ZBTB43: variants seen among roughly 807,000 people sequenced by gnomAD.
The protein encoded by ZBTB43 is zinc finger and BTB domain containing 43.
Under a neutral mutation model 31.1 loss-of-function variants are expected in ZBTB43, and 6 were observed. The ratio of observed to expected loss-of-function variants is 0.19; its 90% CI spans 0.11 to 0.38. ZBTB43 has a LOEUF of 0.38. Ranked by LOEUF, ZBTB43 falls within the 10% of genes least tolerant of loss-of-function variation. ZBTB43 has a pLI of 1.00. For missense variants in ZBTB43, 379 were observed against 602.1 expected (o/e 0.63, Z 3.88); for synonymous variants, 212 against 221.7 (o/e 0.96, Z 0.39).
intron 1 of ZBTB43, among the ~76,000 whole-genome samples, chr9:126,805,841 CTT>C (rs1457041020): frequency 1.3e-5 from 2 of 148,622 alleles, no homozygotes; most frequent in Non-Finnish European, 2.9e-5. Flanking sequence ...GTTTTTGCCT[CTT>C]GTCTCTCTTT....
At chr9:126,805,944 T>A (rs1463516724) in intron 1 of ZBTB43, among the ~76,000 whole-genome samples, 1 of 152,340 alleles carries the variant, frequency 6.6e-6, no homozygotes, top group Middle Eastern at 3.4e-3. Flanking sequence ...GGTGACACTC[T>A]CAGTGACTCG....
intron 2 of ZBTB43, among the ~76,000 whole-genome samples, chr9:126,828,629 AAATAATAATAATAAT>A (rs369536989): frequency 7.1e-6 from 1 of 141,090 alleles, no homozygotes; most frequent in African/African-American, 2.6e-5. Context: ...CCCCATCTCT[AAATAATAATAATAAT>A]AATAATAATA....
chr9:126,834,840 AAG>A lies in ZBTB43; in HGVS notation c.*932_*933del, dbSNP rs1289536342. 9 of 167,092 alleles carry A rather than the reference AAG, an allele frequency of 5.4e-5. No individual in the cohort carries two copies. Among genetic ancestry groups the A allele is most frequent in the African/African-American group, 7.2e-5 (3 of 41,448 alleles). The allele number at this position is 167,092 out of a possible 1,614,324, so 10.4% of individuals were successfully genotyped here. A position where few individuals can be genotyped will look rare whatever the true frequency, so the allele number is the denominator to read the frequency against. The stretch of plus-strand genomic sequence containing the variant: ...CTGTCTTAGATTATGGTGCTTTACA[AAG>A]AGAGTGGTCCATGACCACACTTAGT... On this transcript the variant is annotated 3_prime_UTR_variant, in exon 3 of 3. Transcript: ENST00000373464.
rs920599812 is a variant in ZBTB43, at chr9:126,836,701, C to T, written c.*2788C>T. On this transcript the variant is annotated 3_prime_UTR_variant, in exon 3 of 3. Coordinates refer to ENST00000373464, the MANE Select transcript of ZBTB43 (RefSeq NM_014007.4). The stretch of plus-strand genomic sequence containing the variant: ...TGTTCAAACAATCTTTCAGGGATCA[C>T]GTCAATGGCCTACAACCAAGCTATT... 1.2e-5 allele frequency: 2 copies of T among 167,016 alleles called. No individual in the cohort carries two copies. The highest frequency in any genetic ancestry group is 4.8e-5 in the African/African-American group (2 of 41,420). The allele number at this position is 167,016 out of a possible 1,614,324, so 10.3% of individuals were successfully genotyped here.
intron 2 of ZBTB43, among the ~76,000 whole-genome samples, chr9:126,822,735 A>G (rs1489560451): frequency 1.3e-5 from 2 of 152,134 alleles, no homozygotes; most frequent in Non-Finnish European, 1.5e-5. Context: ...GCGAGACCCT[A>G]TCTTGGGAAA....
intron 2 of ZBTB43, among the ~76,000 whole-genome samples, chr9:126,821,788 CGGCTTTTCTAACCTGTGGCCCAGGAT>C (rs1437077982): frequency 6.6e-6 from 1 of 152,160 alleles, no homozygotes; most frequent in African/African-American, 2.4e-5. Flanking sequence ...GCCCCCAGGA[CGGCTTTTCTAACCTGTGGCCCAGGAT>C]GGCTCTGAAT....
intron 2 of ZBTB43, among the ~76,000 whole-genome samples, chr9:126,825,983 A>T (rs1014185066): frequency 1.3e-5 from 2 of 148,636 alleles, no homozygotes; most frequent in African/African-American, 5.0e-5. Flanking sequence ...GGTAGCTGGG[A>T]CTACAGGCTC....
At chr9:126,828,654 A>AATAATTATT (rs1554742744) in intron 2 of ZBTB43, among the ~76,000 whole-genome samples, 2 of 127,742 alleles carry the variant, frequency 1.6e-5, no homozygotes, top group African/African-American at 3.1e-5. Flanking sequence ...TAATAATAAT[A>AATAATTATT]ATTATTATTA....
chr9:126,820,064 A>G (rs2032477570), intron 2 of ZBTB43, among the ~76,000 whole-genome samples: 3 of 152,366 alleles, frequency 2.0e-5, no homozygotes, highest in African/African-American at 7.2e-5. Context: ...GTGAGGTTGA[A>G]GGAAAGAAGT....
chr9:126,823,701 T>C (rs1012910205), intron 2 of ZBTB43, among the ~76,000 whole-genome samples: 3 of 152,356 alleles, frequency 2.0e-5, no homozygotes, highest in South Asian at 2.1e-4. Flanking sequence ...TTTTTATTAT[T>C]TAGGGGTTTT....
chr9:126,822,952 A>G (rs1189868525), intron 2 of ZBTB43, among the ~76,000 whole-genome samples: 3 of 151,802 alleles, frequency 2.0e-5, no homozygotes, highest in Non-Finnish European at 2.9e-5. Flanking sequence ...ACATAATGCT[A>G]TTGCACACTT....
chr9:126,809,760 A>G (rs918040610), intron 2 of ZBTB43, among the ~76,000 whole-genome samples: 1 of 152,222 alleles, frequency 6.6e-6, no homozygotes, highest in Non-Finnish European at 1.5e-5. Flanking sequence ...ACAGGCTGGC[A>G]TCGGTGTGTT....
intron 2 of ZBTB43, among the ~76,000 whole-genome samples, chr9:126,817,605 A>C (rs1003465872): frequency 6.6e-6 from 1 of 151,368 alleles, no homozygotes; most frequent in Non-Finnish European, 1.5e-5. Context: ...CCTCCCGAGC[A>C]GCTGGGACTA....
chr9:126,825,211 G>A (rs2032604971), intron 2 of ZBTB43, among the ~76,000 whole-genome samples: 1 of 152,156 alleles, frequency 6.6e-6, no homozygotes, highest in Admixed American at 6.5e-5. Context: ...AGAGTGCTGG[G>A]ATTACAGGCA....
rs372334543 is a variant in ZBTB43 at position 126,820,060 on chromosome 9, T to C, written c.-24+11145T>C. Among the ~76,000 whole-genome samples the C allele has an allele frequency of 1.1e-4, 16 of 152,242 alleles. 1 individual carries two copies. Among genetic ancestry groups the C allele is most frequent in the Middle Eastern group, 6.8e-3 (2 of 294 alleles). ...AGCTAGCAGAGGTTGGTTTGTGAGG[T>C]TGAAGGAAAGAAGTGTCTCCGTAAT... On this transcript the variant is annotated intron_variant, in intron 2 of 2. Coordinates refer to ENST00000373464, the MANE Select transcript of ZBTB43 (RefSeq NM_014007.4).
chr9:126,806,260 G>C (rs2032126136), intron 1 of ZBTB43, among the ~76,000 whole-genome samples: 2 of 152,158 alleles, frequency 1.3e-5, no homozygotes, highest in Non-Finnish European at 1.5e-5. Flanking sequence ...ACAGTAGCAG[G>C]GTTTCTGGGA....
chr9:126,818,191 C>T (rs1158129535), intron 2 of ZBTB43, among the ~76,000 whole-genome samples: 1 of 149,538 alleles, frequency 6.7e-6, no homozygotes, highest in Non-Finnish European at 1.5e-5. Flanking sequence ...GGTGGGATCA[C>T]AGCTCACTTT....
chr9:126,813,662 A>G (rs955896400), intron 2 of ZBTB43, among the ~76,000 whole-genome samples: 1 of 152,178 alleles, frequency 6.6e-6, no homozygotes, highest in Non-Finnish European at 1.5e-5. Context: ...CATACTTATG[A>G]TGTACCAAAC....
rs3837241 is a variant in ZBTB43 at position 126,837,103 on chromosome 9, C to CAAA, written c.*3204_*3206dup. The CAAA allele has an allele frequency of 3.8e-5, 5 of 130,010 alleles. No homozygotes were observed. The highest frequency in any genetic ancestry group is 6.3e-5 in the African/African-American group (2 of 31,998). 8.1% of individuals were successfully genotyped at this position (130,010 alleles called of 1,614,324 possible). A position where few individuals can be genotyped will look rare whatever the true frequency, so the allele number is the denominator to read the frequency against. On this transcript the variant is annotated 3_prime_UTR_variant, in exon 3 of 3. Coordinates refer to ENST00000373464, the MANE Select transcript of ZBTB43 (RefSeq NM_014007.4). ...TGCGCGACAGATCGAGACTCTGTCT[C>CAAA]AAAAAAAAAAAAAAAATTCATACTT...
Sources: allele counts gnomAD v4.1 joint callset (sites outside exome capture counted in the v4.1 genomes callset), GRCh38; gene constraint gnomAD v4.1.1; transcripts MANE v1.5; gene names NCBI Gene and HGNC (gene_info 2026-07-23, HGNC 2026-07-21).